The following ARMH3 variants were observed in gnomAD, a reference collection of about 807,000 sequenced individuals.
ARMH3 encodes armadillo like helical domain containing 3, also known as armadillo-like helical domain-containing protein 3.
ARMH3 carries 60 observed loss-of-function variants against 99.1 expected under a neutral mutation model. That is an observed-to-expected ratio of 0.61 (90% CI 0.49 to 0.75). The LOEUF (loss-of-function observed/expected upper bound fraction) is 0.75. Among genes scored for constraint, ARMH3 ranks in the 30% least tolerant of loss-of-function variants. The pLI, the probability that ARMH3 is intolerant of heterozygous loss-of-function variation, is 0.00. For missense variants in ARMH3, 679 were observed against 843.1 expected (o/e 0.81, Z 2.41); for synonymous variants, 285 against 292.8 (o/e 0.97, Z 0.27).
At chr10:101,996,285 A>T (rs1335075693) in intron 15 of ARMH3, among the ~76,000 whole-genome samples, 1 of 152,178 alleles carries the variant, frequency 6.6e-6, no homozygotes, top group Non-Finnish European at 1.5e-5. Context: ...TAGAGAGAAG[A>T]CCTCTTAATG....
chr10:101,914,663 CGA>C (rs781624067), intron 23 of ARMH3, among the ~76,000 whole-genome samples: 5 of 151,260 alleles, frequency 3.3e-5, no homozygotes, highest in Non-Finnish European at 4.4e-5. Flanking sequence ...ATCAGGAGTT[CGA>C]GACCAGCCTG....
intron 22 of ARMH3, among the ~76,000 whole-genome samples, chr10:101,949,590 C>A (rs968656846): frequency 1.3e-5 from 2 of 152,052 alleles, no homozygotes; most frequent in Non-Finnish European, 2.9e-5. Context: ...AAATCTTCCA[C>A]GAAAGTAAAC....
At chr10:101,968,190 T>C (rs1461732741) in intron 20 of ARMH3, among the ~76,000 whole-genome samples, 1 of 152,070 alleles carries the variant, frequency 6.6e-6, no homozygotes, top group Non-Finnish European at 1.5e-5. Context: ...CTTTGGGAAA[T>C]GTAGGGTCCC....
At chr10:101,992,416 AGT>A (rs1846841333) in intron 17 of ARMH3, among the ~76,000 whole-genome samples, 1 of 152,196 alleles carries the variant, frequency 6.6e-6, no homozygotes, top group African/African-American at 2.4e-5. Context: ...AAAAAGAGGA[AGT>A]GATGGTGCCA....
intron 24 of ARMH3, among the ~76,000 whole-genome samples, chr10:101,872,243 G>A (rs1293383735): frequency 6.7e-6 from 1 of 148,524 alleles, no homozygotes; most frequent in East Asian, 1.9e-4. Flanking sequence ...GTGTGTCTGT[G>A]TAACAACGTG....
At chr10:102,037,052 A>AAAAT (rs940175292) in intron 2 of ARMH3, among the ~76,000 whole-genome samples, 2 of 151,724 alleles carry the variant, frequency 1.3e-5, no homozygotes, top group African/African-American at 2.4e-5. Context: ...ACACCACCTC[A>AAAAT]AAATAAATAA....
intron 23 of ARMH3, among the ~76,000 whole-genome samples, chr10:101,933,346 C>A (rs1435577369): frequency 6.6e-6 from 1 of 152,160 alleles, no homozygotes; most frequent in Non-Finnish European, 1.5e-5. Context: ...TAAAACACAG[C>A]AGCCTCCAGC....
chr10:101,936,491 C>CAAAAA (rs202009727), intron 23 of ARMH3, among the ~76,000 whole-genome samples: 1 of 56,068 alleles, frequency 1.8e-5, no homozygotes, highest in African/African-American at 4.9e-5. Flanking sequence ...GACTCTGTCT[C>CAAAAA]AAAAAAAAAA....
At chr10:101,966,297 T>C (rs1208992265) in intron 20 of ARMH3, among the ~76,000 whole-genome samples, 2 of 133,502 alleles carry the variant, frequency 1.5e-5, no homozygotes, top group African/African-American at 2.8e-5. Context: ...TTTTTTTTTT[T>C]TTTTTTTTTT....
chr10:102,026,505 T>C (rs958890443), intron 5 of ARMH3, among the ~76,000 whole-genome samples: 1 of 152,162 alleles, frequency 6.6e-6, no homozygotes, highest in African/African-American at 2.4e-5. Context: ...GTGAGTTATA[T>C]TTTGAAAATT....
chr10:101,977,417 A>T (rs1846059851), intron 19 of ARMH3, among the ~76,000 whole-genome samples: 2 of 152,216 alleles, frequency 1.3e-5, no homozygotes, highest in Non-Finnish European at 1.5e-5. Context: ...TAAAAATACA[A>T]ATAATTTAAT....
At position 101,922,058 on chromosome 10, in the gene ARMH3, C is replaced by T. The variant is rs374579985; in HGVS notation, c.1781+17805G>A. 1.4e-4 allele frequency among the ~76,000 whole-genome samples: 21 copies of T among 152,222 alleles called. No individual in the cohort carries two copies. In the East Asian group the frequency reaches 3.5e-3, roughly 25 times the overall value. On this transcript the variant is annotated intron_variant, in intron 23 of 25. Transcript: ENST00000370033. Reference sequence around the variant, plus strand: ...GACACCCAAGATACCCTGACTTGTTCATTATACAGTCTATGCATGTAACCA... The same window carrying T: ...GACACCCAAGATACCCTGACTTGTTTATTATACAGTCTATGCATGTAACCA...
intron 1 of ARMH3, among the ~76,000 whole-genome samples, chr10:102,045,116 C>A (rs1326028403): frequency 7.2e-6 from 1 of 138,040 alleles, no homozygotes; most frequent in South Asian, 2.3e-4. Flanking sequence ...AGCAACAGAG[C>A]CAGCCCTTGT....
intron 23 of ARMH3, among the ~76,000 whole-genome samples, chr10:101,895,763 T>C (rs2067815174): frequency 6.6e-6 from 1 of 152,198 alleles, no homozygotes; most frequent in South Asian, 2.1e-4. Flanking sequence ...AGAAAATATT[T>C]GCAAATTTTG....
chr10:102,029,414 T>C, intron 5 of ARMH3: 1 of 1,516,266 alleles, frequency 6.6e-7, no homozygotes, highest in Non-Finnish European at 8.9e-7. Context: ...CTATTCTGTC[T>C]TTATCCCGCA....
At chr10:101,937,112 T>C (rs769135214) in intron 23 of ARMH3, among the ~76,000 whole-genome samples, 6 of 152,232 alleles carry the variant, frequency 3.9e-5, no homozygotes, top group Non-Finnish European at 7.3e-5. Context: ...TTCCTTTCAA[T>C]ACATCATGGT....
chr10:101,934,468 T>C (rs1843864163), intron 23 of ARMH3, among the ~76,000 whole-genome samples: 1 of 152,174 alleles, frequency 6.6e-6, no homozygotes, highest in South Asian at 2.1e-4. Context: ...TCACTAATCA[T>C]AACAATATCT....
chr10:101,940,390 T>C (rs1844183843), intron 22 of ARMH3, among the ~76,000 whole-genome samples: 2 of 152,088 alleles, frequency 1.3e-5, no homozygotes, highest in Non-Finnish European at 2.9e-5. Flanking sequence ...CCTTAACATA[T>C]AAACTCAGTC....
At chr10:101,941,470 T>C (rs1011059030) in intron 22 of ARMH3, among the ~76,000 whole-genome samples, 1 of 152,170 alleles carries the variant, frequency 6.6e-6, no homozygotes, top group East Asian at 1.9e-4. Flanking sequence ...GTACCATCAC[T>C]ATGTACGCCT....
Sources: allele counts gnomAD v4.1 joint callset (sites outside exome capture counted in the v4.1 genomes callset), GRCh38; gene constraint gnomAD v4.1.1; transcripts MANE v1.5; gene names NCBI Gene and HGNC (gene_info 2026-07-23, HGNC 2026-07-21).